Variants in KIF9 observed in about 807,000 individuals in gnomAD.
KIF9 encodes the protein kinesin-like protein KIF9.
In KIF9, 68 loss-of-function variants were observed where a neutral mutation model predicts 94.8. The observed-to-expected ratio is 0.72, with a 90% CI of 0.59 to 0.88. KIF9 has a LOEUF of 0.88. KIF9 is among the 40% of genes least tolerant of loss of function. The pLI is 0.00. For missense variants in KIF9, 882 were observed against 982.5 expected (o/e 0.90, Z 1.37); for synonymous variants, 343 against 362.1 (o/e 0.95, Z 0.60).
intron 20 of KIF9, among the ~76,000 whole-genome samples, chr3:47,232,253 G>T (rs1698645312): frequency 6.6e-6 from 1 of 152,174 alleles, no homozygotes; most frequent in Admixed American, 6.5e-5. Context: ...CCAGCTTCCA[G>T]AACTGTGAGC....
rs540199182 is a variant in KIF9 at position 47,243,145 on chromosome 3, C to T, written c.1615G>A (p.Gly539Arg). 1 of 1,613,990 alleles carries T rather than the reference C, an allele frequency of 6.2e-7. No individual in the cohort carries two copies. The highest frequency in any genetic ancestry group is 1.7e-5 in the Admixed American group (1 of 60,006). ...KTQLVPSSKDGDVKDMLSRDR... is the reference protein window; with the variant it reads ...KTQLVPSSKDRDVKDMLSRDR... ...CGCGAAAGCATGTCTTTGACATCCC[C>T]ATCTTTGGAGGATGGGACCAGCTGG... The change falls in exon 16 of 21, where the codon GGG becomes AGG. Residue 539 changes from glycine (G) to arginine (R), a missense_variant. Coordinates refer to ENST00000684063, the MANE Select transcript of KIF9 (RefSeq NM_182902.4).
At chr3:47,236,171 GA>G (rs1699011743) in intron 18 of KIF9, 22 bp from the exon 19 acceptor site, 2 of 1,556,546 alleles carry the variant, frequency 1.3e-6, no homozygotes, top group East Asian at 4.5e-5. Flanking sequence ...TGAGGAGACA[GA>G]ACTTGAGGAA....
Position 47,247,353 on chromosome 3 carries a change from G to A in KIF9, c.1233+20C>T. On this transcript the variant is annotated intron_variant, in intron 12 of 20. Coordinates refer to ENST00000684063, the MANE Select transcript of KIF9 (RefSeq NM_182902.4). Reference sequence around the variant, plus strand: ...AGGCCCAGGCTGGCTGAGCATAGTGGTCACAGAGGGGTTCCTTACGTCGAT... The same window carrying A: ...AGGCCCAGGCTGGCTGAGCATAGTGATCACAGAGGGGTTCCTTACGTCGAT... The A allele has an allele frequency of 5.1e-6, 8 of 1,561,848 alleles. No individual in the cohort carries two copies. Among genetic ancestry groups the A allele is most frequent in the Non-Finnish European group, 7.1e-6 (8 of 1,132,886 alleles).
chr3:47,277,377 T>C lies in KIF9; in HGVS notation c.-3A>G. ...TGAACTTTTTTCCTAGTACCCATTC[T>C]AGCTAAAAAGAAGGGAACAATGAAA... On this transcript the variant is annotated splice_region_variant and 5_prime_UTR_variant, in exon 2 of 21. An upstream open reading frame in the 5' UTR loses its in-frame stop. Coordinates refer to ENST00000684063, the MANE Select transcript of KIF9 (RefSeq NM_182902.4). 1 of 1,609,742 alleles carries C rather than the reference T, an allele frequency of 6.2e-7. No homozygotes were observed.
intron 14 of KIF9, 84 bp downstream of exon 14, chr3:47,245,337 T>C: frequency 1.0e-6 from 1 of 991,124 alleles, no homozygotes; most frequent in Non-Finnish European, 1.6e-6. Flanking sequence ...TCTGGTTTAA[T>C]GCATTAATAC....
At chr3:47,229,164 A>G (rs1698369982) in intron 20 of KIF9, among the ~76,000 whole-genome samples, 1 of 152,236 alleles carries the variant, frequency 6.6e-6, no homozygotes, top group South Asian at 2.1e-4. Context: ...TGAAACAGAA[A>G]CAGTGGGCTG....
At chr3:47,248,174 T>C (rs1700049160) in intron 10 of KIF9, 88 bp from the exon 11 acceptor site, 1 of 963,378 alleles carries the variant, frequency 1.0e-6, no homozygotes, top group Admixed American at 1.8e-5. Flanking sequence ...GTACAATTCC[T>C]CATTCTGTGC....
intron 15 of KIF9, 144 bp from the exon 16 acceptor site, chr3:47,243,389 C>T (rs1055934754): frequency 1.4e-4 from 78 of 566,372 alleles, no homozygotes; most frequent in Non-Finnish European, 2.0e-4. Context: ...TAGGTAAAAG[C>T]GCAAATAGTG....
chr3:47,243,532 A>G (rs1699724479), intron 15 of KIF9: 2 of 261,372 alleles, frequency 7.7e-6, no homozygotes, highest in Non-Finnish European at 1.5e-5. Flanking sequence ...TTGAAAGTGT[A>G]TGGACCTGTA....
At chr3:47,231,404 CTTTTT>C (rs34079988) in intron 20 of KIF9, among the ~76,000 whole-genome samples, 11,929 of 79,712 alleles carry the variant, frequency 0.15, 880 homozygotes, top group East Asian at 0.37. Context: ...TCAGTATCTA[CTTTTT>C]TTTTTTTTTT....
intron 12 of KIF9, among the ~76,000 whole-genome samples, chr3:47,246,934 C>T (rs569665444): frequency 1.3e-5 from 2 of 149,690 alleles, no homozygotes; most frequent in South Asian, 4.1e-4. Context: ...GGGGTGGTTT[C>T]CCCCTCCTTG....
chr3:47,244,002 A>T (rs1699756743), intron 15 of KIF9: 1 of 152,306 alleles, frequency 6.6e-6, no homozygotes, highest in South Asian at 2.1e-4. Flanking sequence ...AGCCAGGGAC[A>T]CTGGCATCCT....
chr3:47,273,363 C>T (rs544883048), intron 4 of KIF9, among the ~76,000 whole-genome samples, 189 bp downstream of exon 4: 1 of 152,292 alleles, frequency 6.6e-6, no homozygotes, highest in African/African-American at 2.4e-5. Flanking sequence ...CACCCAACCT[C>T]CTGGTTTCCT....
At chr3:47,281,103 A>C (rs1702309362) in intron 1 of KIF9, 1 of 686,042 alleles carries the variant, frequency 1.5e-6, no homozygotes. Context: ...AGCACAGAGT[A>C]GGTATTCAGG....
intron 20 of KIF9, among the ~76,000 whole-genome samples, chr3:47,232,899 G>A (rs1270114546): frequency 2.7e-5 from 4 of 149,512 alleles, no homozygotes; most frequent in Non-Finnish European, 5.9e-5. Flanking sequence ...GGAGAATGGC[G>A]TGAACCCGGG....
intron 1 of KIF9, chr3:47,282,036 G>C (rs1702402738): frequency 4.3e-6 from 1 of 233,352 alleles, no homozygotes; most frequent in Admixed American, 6.5e-5. Context: ...GGCAAAACTA[G>C]ACTTTCTCCT....
At chr3:47,250,493 G>C (rs570421417) in intron 10 of KIF9, 15 of 410,594 alleles carry the variant, frequency 3.7e-5, no homozygotes, top group African/African-American at 3.0e-4. Flanking sequence ...TAGATTTTAG[G>C]TAAGTAAATA....
intron 4 of KIF9, 31 bp from the exon 5 acceptor site, chr3:47,271,492 G>C: frequency 3.2e-6 from 5 of 1,566,826 alleles, no homozygotes; most frequent in Non-Finnish European, 4.4e-6. Flanking sequence ...CGGTCACCAA[G>C]AGCAGAACCC....
intron 9 of KIF9, among the ~76,000 whole-genome samples, chr3:47,262,889 C>T (rs897979125): frequency 6.6e-6 from 1 of 151,980 alleles, no homozygotes; most frequent in African/African-American, 2.4e-5. Flanking sequence ...CCTAATCTGT[C>T]TTTTGTGGGG....
Sources: gnomAD v4.1 joint callset for allele counts (sites outside exome capture counted in the v4.1 genomes callset) on GRCh38, gnomAD v4.1.1 for gene constraint, MANE v1.5 for transcripts, NCBI Gene and HGNC (gene_info 2026-07-23, HGNC 2026-07-21) for gene names.